The following KMO variants were observed in gnomAD, a reference collection of about 807,000 sequenced individuals.
The protein encoded by KMO is kynurenine 3-hydroxylase.
Under a neutral mutation model 57.8 loss-of-function variants are expected in KMO, and 24 were observed. That is an observed-to-expected ratio of 0.42 (90% CI 0.30 to 0.58). The LOEUF is 0.58. Among genes scored for constraint, KMO ranks in the 20% least tolerant of loss-of-function variants. The probability of loss-of-function intolerance (pLI) is 0.22; values close to 1 mark genes in which losing one functional copy is unlikely to be tolerated. For synonymous variants in KMO, 210 were observed against 193.6 expected, an observed-to-expected ratio of 1.08 and a Z score of -0.70; for missense variants, 483 against 588.2, an observed-to-expected ratio of 0.82 and a Z score of 1.85.
Position 241,564,649 on chromosome 1 carries a change from G to A in KMO, c.616-338G>A, listed in dbSNP as rs142932522. 3.5e-3 allele frequency among the ~76,000 whole-genome samples: 532 copies of A among 152,088 alleles called. 3 individuals are homozygous for A. The highest frequency in any genetic ancestry group is 0.012 in the African/African-American group (498 of 41,486). ...TACACATCTAGATATGTGCATGTGT[G>A]TGTACATATATACCAGGTATAATTA... is the stretch of plus-strand genomic sequence containing the variant. On this transcript the variant is annotated intron_variant, in intron 7 of 14. Coordinates refer to ENST00000366559, the MANE Select transcript of KMO (RefSeq NM_003679.5).
At chr1:241,587,867 A>C (rs529742321) in intron 11 of KMO, among the ~76,000 whole-genome samples, 1 of 151,606 alleles carries the variant, frequency 6.6e-6, no homozygotes, top group South Asian at 2.1e-4. Flanking sequence ...ATGACCATGG[A>C]GGTGGATGGA....
At chr1:241,547,080 G>T (rs1010191627) in intron 1 of KMO, among the ~76,000 whole-genome samples, 1 of 152,144 alleles carries the variant, frequency 6.6e-6, no homozygotes, top group African/African-American at 2.4e-5. Flanking sequence ...AATACAGGTT[G>T]CCAGTGATGA....
chr1:241,539,576 C>T (rs1660882413), intron 1 of KMO, among the ~76,000 whole-genome samples: 1 of 152,172 alleles, frequency 6.6e-6, no homozygotes, highest in African/African-American at 2.4e-5. Context: ...AATGATATTG[C>T]CCCAGTCAAT....
chr1:241,539,835 T>C (rs924504702), intron 1 of KMO, among the ~76,000 whole-genome samples: 1 of 151,986 alleles, frequency 6.6e-6, no homozygotes, highest in African/African-American at 2.4e-5. Flanking sequence ...TTTCAATCCC[T>C]TTTATTCAAA....
intron 10 of KMO, among the ~76,000 whole-genome samples, chr1:241,572,186 G>A (rs1285116849): frequency 6.6e-6 from 1 of 151,910 alleles, no homozygotes; most frequent in Non-Finnish European, 1.5e-5. Context: ...CTTTTTAAAT[G>A]TTTTGTAGAA....
chr1:241,534,572 C>T lies in KMO; in HGVS notation c.54+2074C>T, dbSNP rs149410692. Among the ~76,000 whole-genome samples the T allele has an allele frequency of 7.9e-3, 1,205 of 152,334 alleles. 17 individuals are homozygous for T. The highest frequency in any genetic ancestry group is 0.027 in the African/African-American group (1,119 of 41,582). On this transcript the variant is annotated intron_variant, in intron 1 of 14. Coordinates refer to ENST00000366559, the MANE Select transcript of KMO (RefSeq NM_003679.5). ...GATTCCTATTGTCATTTTGTGCAAA[C>T]GCTTATTCTTCTTTCACTCCATCAG...
intron 1 of KMO, among the ~76,000 whole-genome samples, chr1:241,547,857 T>C (rs1450200290): frequency 1.3e-5 from 2 of 152,334 alleles, no homozygotes; most frequent in East Asian, 3.9e-4. Context: ...TTATCATATA[T>C]GTACCAGAAT....
chr1:241,544,961 A>G (rs1166777551), intron 1 of KMO, among the ~76,000 whole-genome samples: 1 of 152,186 alleles, frequency 6.6e-6, no homozygotes, highest in Non-Finnish European at 1.5e-5. Flanking sequence ...TTAAACATTG[A>G]TACATTTATA....
intron 2 of KMO, 131 bp downstream of exon 2, chr1:241,549,029 T>C: frequency 1.7e-6 from 1 of 596,572 alleles, no homozygotes; most frequent in East Asian, 3.1e-5. Flanking sequence ...CAAAACCCCA[T>C]CTCTACAAAA....
At chr1:241,552,223 G>A (rs12083836) in intron 4 of KMO, among the ~76,000 whole-genome samples, 5,250 of 152,114 alleles carry the variant, frequency 0.035, 295 homozygotes, top group African/African-American at 0.12. Context: ...CATTCCCCAA[G>A]AGAGTGAAAG....
At chr1:241,579,515 A>G (rs1662669899) in intron 10 of KMO, among the ~76,000 whole-genome samples, 1 of 152,096 alleles carries the variant, frequency 6.6e-6, no homozygotes, top group South Asian at 2.1e-4. Flanking sequence ...GAGTTTGCCC[A>G]GCAATTAGGG....
intron 3 of KMO, 46 bp from the exon 4 acceptor site, chr1:241,550,909 T>C: frequency 1.2e-6 from 1 of 838,842 alleles, no homozygotes; most frequent in Non-Finnish European, 1.9e-6. Flanking sequence ...TCTTGCATAA[T>C]GCCATGTTAC....
chr1:241,583,837 A>T (rs850678), intron 10 of KMO, among the ~76,000 whole-genome samples: 43,534 of 152,020 alleles, frequency 0.29, 6,519 homozygotes, highest in East Asian at 0.42. Context: ...AAAATGTACC[A>T]ATAGCTCAAA....
chr1:241,588,830 G>A lies in KMO; in HGVS notation c.1098G>A (p.Glu366=). 6.2e-7 allele frequency: 1 copy of A among 1,605,420 alleles called. No homozygotes were observed. The highest frequency in any genetic ancestry group is 8.5e-7 in the Non-Finnish European group (1 of 1,172,484). ...ACCTATCCATGTACAATTACATAGA[G>A]GTGAGTGAGAAGGTTTGGCTTTATT... The part of the protein sequence containing the change: ...ISDLSMYNYI[E]MRAHVNSSWF... Residue 366 remains glutamate (E), a splice_region_variant and synonymous_variant, in exon 12 of 15, where the codon GAG becomes GAA. Coordinates refer to ENST00000366559, the MANE Select transcript of KMO (RefSeq NM_003679.5).
At position 241,594,554 on chromosome 1, in the gene KMO, C is replaced by A; in HGVS notation, c.*2401C>A. The A allele has an allele frequency of 6.2e-7, 1 of 1,614,084 alleles. No homozygotes were observed. Among genetic ancestry groups the A allele is most frequent in the South Asian group, 1.1e-5 (1 of 91,080 alleles). On this transcript the variant is annotated 3_prime_UTR_variant, in exon 15 of 15. Coordinates refer to ENST00000366559, the MANE Select transcript of KMO (RefSeq NM_003679.5). ...AAGAAGAGTTGAAAGTCACTTTTTT[C>A]TTTGGCCTGTCCCCATCTTTCTGTG...
intron 1 of KMO, among the ~76,000 whole-genome samples, chr1:241,543,971 C>G (rs11588309): frequency 4.3e-4 from 66 of 151,982 alleles, no homozygotes; most frequent in Non-Finnish European, 7.4e-4. Flanking sequence ...AGAAAAAGAA[C>G]GTAACAAACC....
At chr1:241,558,240 A>G (rs1661710923) in intron 5 of KMO, among the ~76,000 whole-genome samples, 3 of 152,246 alleles carry the variant, frequency 2.0e-5, no homozygotes, top group Non-Finnish European at 2.9e-5. Flanking sequence ...TGGTGTACAC[A>G]CCAGAAGTTC....
chr1:241,564,800 T>C (rs999079745), intron 7 of KMO, among the ~76,000 whole-genome samples, 187 bp from the exon 8 acceptor site: 4 of 152,156 alleles, frequency 2.6e-5, no homozygotes, highest in Admixed American at 1.3e-4. Context: ...TACCTAAGGT[T>C]GAGTTTATAA....
intron 5 of KMO, 63 bp downstream of exon 5, chr1:241,555,723 C>T: frequency 1.0e-6 from 1 of 980,338 alleles, no homozygotes; most frequent in Non-Finnish European, 1.6e-6. Flanking sequence ...CTAATCTTGT[C>T]ATATGATTTA....
Sources: allele counts gnomAD v4.1 joint callset (sites outside exome capture counted in the v4.1 genomes callset), GRCh38; gene constraint gnomAD v4.1.1; transcripts MANE v1.5; gene names NCBI Gene and HGNC (gene_info 2026-07-23, HGNC 2026-07-21).